GPATCH8: variants seen among roughly 807,000 people sequenced by gnomAD.
The protein encoded by GPATCH8 is G-patch domain containing 8, also known as G patch domain-containing protein 8.
In GPATCH8, 18 loss-of-function variants were observed where a neutral mutation model predicts 118.3. The ratio of observed to expected loss-of-function variants is 0.15; its 90% CI spans 0.11 to 0.23. The LOEUF is 0.23. Ranked by LOEUF, GPATCH8 falls within the 10% of genes least tolerant of loss-of-function variation. The pLI, the probability that GPATCH8 is intolerant of heterozygous loss-of-function variation, is 1.00. For synonymous variants in GPATCH8, 659 were observed against 684.7 expected, an observed-to-expected ratio of 0.96 and a Z score of 0.59; for missense variants, 1,631 against 1,873.8, an observed-to-expected ratio of 0.87 and a Z score of 2.39.
intron 3 of GPATCH8, among the ~76,000 whole-genome samples, chr17:44,442,389 T>G (rs1240832381): frequency 3.3e-5 from 5 of 152,160 alleles, no homozygotes; most frequent in African/African-American, 1.2e-4. Flanking sequence ...AAGTTGTCTT[T>G]TAAAGATATC....
At chr17:44,434,034 G>A (rs2050411500) in intron 5 of GPATCH8, among the ~76,000 whole-genome samples, 1 of 151,800 alleles carries the variant, frequency 6.6e-6, no homozygotes, top group Non-Finnish European at 1.5e-5. Context: ...CCAGCTACTC[G>A]GAGGCTAAGG....
At chr17:44,437,876 T>G (rs1343988957) in intron 3 of GPATCH8, among the ~76,000 whole-genome samples, 1 of 142,088 alleles carries the variant, frequency 7.0e-6, no homozygotes, top group African/African-American at 2.7e-5. Flanking sequence ...TAGGGAGAAT[T>G]AGAATTATCA....
chr17:44,489,312 T>C (rs949319934), intron 1 of GPATCH8, among the ~76,000 whole-genome samples: 1 of 151,940 alleles, frequency 6.6e-6, no homozygotes, highest in African/African-American at 2.4e-5. Flanking sequence ...TGGTTTTCTT[T>C]TCACTCTGAA....
In GPATCH8 at chr17:44,400,141, C is replaced by G; in HGVS notation, c.1936G>C (p.Glu646Gln). Reference sequence around the variant, plus strand: ...TCAGACCCATGGCTACCCCCAGGCTCCTGCTTGTTCAGGCCGCTACAGGCA... The same window carrying G: ...TCAGACCCATGGCTACCCCCAGGCTGCTGCTTGTTCAGGCCGCTACAGGCA... Reference protein sequence around the residue: ...GSACSGLNKQEPGGSHGSETE... With the variant: ...GSACSGLNKQQPGGSHGSETE... Residue 646 changes from glutamate to glutamine, a missense_variant, in exon 8 of 8, where the codon GAG becomes CAG. Physicochemically the swap from Glu to Gln is conservative, Grantham distance 29 (BLOSUM62 2). Transcript: ENST00000591680. 1 of 1,614,058 alleles carries G rather than the reference C, an allele frequency of 6.2e-7. No homozygotes were observed. Among genetic ancestry groups the G allele is most frequent in the Non-Finnish European group, 8.5e-7 (1 of 1,180,024 alleles).
intron 3 of GPATCH8, chr17:44,438,856 T>G (rs1408729248): frequency 6.6e-6 from 1 of 152,382 alleles, no homozygotes; most frequent in East Asian, 1.9e-4. Flanking sequence ...AGGAAGGACA[T>G]TTTGTGCTAC....
intron 1 of GPATCH8, among the ~76,000 whole-genome samples, chr17:44,494,096 C>T (rs973811722): frequency 1.3e-5 from 2 of 152,126 alleles, no homozygotes; most frequent in Admixed American, 6.6e-5. Context: ...AATATAAACC[C>T]TATTTCAAAC....
chr17:44,485,238 G>C (rs1241881794), intron 1 of GPATCH8, among the ~76,000 whole-genome samples: 1 of 152,046 alleles, frequency 6.6e-6, no homozygotes, highest in Admixed American at 6.6e-5. Context: ...CAAGTGGCTG[G>C]GACTACAGGT....
chr17:44,503,383 A>G lies in GPATCH8; in HGVS notation c.-13T>C, dbSNP rs1321534613. On this transcript the variant is annotated 5_prime_UTR_variant, in exon 1 of 8. Coordinates refer to ENST00000591680, the MANE Select transcript of GPATCH8 (RefSeq NM_001002909.4). ...AGCGGTCCGCCATTTTGCCGCCTTCACTCCTCTCAGGACGACGCTCTCCGG... is the reference window on the plus strand; with the variant it reads ...AGCGGTCCGCCATTTTGCCGCCTTCGCTCCTCTCAGGACGACGCTCTCCGG... The G allele has an allele frequency of 6.2e-7, 1 of 1,602,996 alleles. No individual in the cohort carries two copies. The highest frequency in any genetic ancestry group is 1.3e-5 in the African/African-American group (1 of 74,196).
At chr17:44,480,580 C>A (rs558428167) in intron 1 of GPATCH8, among the ~76,000 whole-genome samples, 2 of 151,974 alleles carry the variant, frequency 1.3e-5, no homozygotes, top group Admixed American at 6.6e-5. Context: ...ATTAGCCAGG[C>A]GTGGTGGCTC....
chr17:44,489,156 A>G (rs1969031738), intron 1 of GPATCH8, among the ~76,000 whole-genome samples: 1 of 152,066 alleles, frequency 6.6e-6, no homozygotes, highest in Non-Finnish European at 1.5e-5. Context: ...AAAAAATCAA[A>G]CTGCTAGAAA....
At chr17:44,442,116 TATATATAGAG>T (rs906929474) in intron 3 of GPATCH8, among the ~76,000 whole-genome samples, 6 of 142,430 alleles carry the variant, frequency 4.2e-5, no homozygotes, top group Non-Finnish European at 9.0e-5. Context: ...TACATATATA[TATATATAGAG>T]AGAGAGAGAG....
intron 3 of GPATCH8, among the ~76,000 whole-genome samples, chr17:44,458,562 C>T (rs892235488): frequency 6.6e-5 from 10 of 152,130 alleles, no homozygotes; most frequent in Non-Finnish European, 1.0e-4. Flanking sequence ...TGCTCTGTTG[C>T]CCAGGCTGGA....
intron 1 of GPATCH8, among the ~76,000 whole-genome samples, chr17:44,498,958 A>G (rs1398573067): frequency 1.3e-5 from 2 of 152,350 alleles, no homozygotes; most frequent in East Asian, 1.9e-4. Context: ...TACTGGTTAC[A>G]TATGGAAACA....
intron 3 of GPATCH8, among the ~76,000 whole-genome samples, chr17:44,439,845 G>A (rs1458081233): frequency 6.7e-6 from 1 of 150,124 alleles, no homozygotes. Context: ...GTGCAATGGC[G>A]CAATCTCAGC....
chr17:44,398,396 T>C lies in GPATCH8; in HGVS notation c.3681A>G (p.Pro1227=). The C allele has an allele frequency of 6.2e-7, 1 of 1,614,078 alleles. No homozygotes were observed. The change falls in exon 8 of 8, where the codon CCA becomes CCG. Residue 1227 remains proline, a synonymous_variant. Coordinates refer to ENST00000591680, the MANE Select transcript of GPATCH8 (RefSeq NM_001002909.4). ...ADHPVAPLGT[P]AHSDCYPGDP... ...CCCCAGGGTAGCAGTCAGAATGTGC[T>C]GGGGTGCCTAGTGGAGCCACAGGGT...
chr17:44,486,255 T>G (rs1400922093), intron 1 of GPATCH8: 6 of 152,272 alleles, frequency 3.9e-5, no homozygotes, highest in South Asian at 2.1e-4. Context: ...TTTTTTCCAT[T>G]TCTTTTCTTT....
At chr17:44,434,829 TCAAA>T (rs1299102184) in intron 5 of GPATCH8, among the ~76,000 whole-genome samples, 1 of 152,222 alleles carries the variant, frequency 6.6e-6, no homozygotes, top group Non-Finnish European at 1.5e-5. Flanking sequence ...CATTGTGTTT[TCAAA>T]CACTAATTCA....
intron 5 of GPATCH8, among the ~76,000 whole-genome samples, chr17:44,426,432 G>A (rs139257492): frequency 2.6e-5 from 4 of 151,942 alleles, no homozygotes; most frequent in East Asian, 1.9e-4. Flanking sequence ...GTGAAACTCC[G>A]GCTCTACCAA....
At chr17:44,454,503 C>T (rs1261719329) in intron 3 of GPATCH8, among the ~76,000 whole-genome samples, 3 of 152,190 alleles carry the variant, frequency 2.0e-5, no homozygotes, top group East Asian at 1.9e-4. Context: ...TGATGATCTC[C>T]GTACTGAGAA....
Sources: gnomAD v4.1 joint callset for allele counts (sites outside exome capture counted in the v4.1 genomes callset) on GRCh38, gnomAD v4.1.1 for gene constraint, MANE v1.5 for transcripts, NCBI Gene and HGNC (gene_info 2026-07-23, HGNC 2026-07-21) for gene names.